TNS3: variants seen among roughly 807,000 people sequenced by gnomAD.
TNS3 encodes tensin-3.
A neutral mutation model predicts 140.9 loss-of-function variants in TNS3; 45 were observed. That is an observed-to-expected ratio of 0.32 (90% CI 0.25 to 0.41). The LOEUF (loss-of-function observed/expected upper bound fraction) is 0.41. Among genes scored for constraint, TNS3 ranks in the 10% least tolerant of loss-of-function variants. TNS3 has a pLI of 1.00. For synonymous variants in TNS3, 815 were observed against 788.4 expected, an observed-to-expected ratio of 1.03 and a Z score of -0.56; for missense variants, 1,716 against 1,906.7, an observed-to-expected ratio of 0.90 and a Z score of 1.86.
chr7:47,404,920 T>C (rs1393889161), intron 13 of TNS3, among the ~76,000 whole-genome samples: 1 of 152,102 alleles, frequency 6.6e-6, no homozygotes, highest in East Asian at 1.9e-4. Context: ...AAAATATGCC[T>C]GTGCCCTTGA....
intron 4 of TNS3, among the ~76,000 whole-genome samples, chr7:47,460,212 C>CAAAAA (rs10526565): frequency 1.2e-4 from 14 of 115,030 alleles, no homozygotes; most frequent in African/African-American, 1.5e-4. Context: ...GACTCTGTCC[C>CAAAAA]AAAAAAAAAA....
intron 16 of TNS3, among the ~76,000 whole-genome samples, chr7:47,380,549 C>G (rs2151219339): frequency 6.6e-6 from 1 of 152,346 alleles, no homozygotes. Context: ...GACATTCCTT[C>G]TTGCCCGGTT....
chr7:47,428,514 C>T, intron 8 of TNS3, 138 bp from the exon 9 acceptor site: 2 of 556,816 alleles, frequency 3.6e-6, no homozygotes, highest in Non-Finnish European at 5.6e-6. Flanking sequence ...CCACAGCCTT[C>T]CTGTCTGGGA....
Position 47,368,459 on chromosome 7 carries a change from G to C in TNS3, c.2187C>G (p.Gly729=), listed in dbSNP as rs368628961. The stretch of plus-strand genomic sequence containing the variant: ...CTCCCACGCTGTCTGGAGACACAGA[G>C]CCATTGGCCTGGCTACCGAGGGCGT... ...HMNALGSQAN[G]SVSPDSVGGG... is the part of the protein sequence containing the mutation. The change falls in exon 17 of 31, where the codon GGC becomes GGG. Residue 729 remains glycine, a synonymous_variant. Coordinates refer to ENST00000311160, the MANE Select transcript of TNS3 (RefSeq NM_022748.12). The C allele has an allele frequency of 1.0e-3, 1,621 of 1,583,798 alleles. 2 individuals carry two copies. Among genetic ancestry groups the C allele is most frequent in the Non-Finnish European group, 1.3e-3 (1,543 of 1,159,388 alleles).
intron 1 of TNS3, among the ~76,000 whole-genome samples, chr7:47,537,217 A>T (rs919558627): frequency 3.9e-5 from 6 of 152,016 alleles, no homozygotes; most frequent in Admixed American, 2.0e-4. Context: ...CCCTGCGGAC[A>T]CAAGTCCCAG....
intron 17 of TNS3, among the ~76,000 whole-genome samples, chr7:47,355,097 G>A (rs1041242845): frequency 2.6e-5 from 4 of 152,208 alleles, no homozygotes; most frequent in East Asian, 1.9e-4. Context: ...TGTTATTCAC[G>A]GGTGGAGCCG....
intron 2 of TNS3, among the ~76,000 whole-genome samples, chr7:47,514,455 C>T (rs1798713733): frequency 6.6e-6 from 1 of 152,212 alleles, no homozygotes; most frequent in Non-Finnish European, 1.5e-5. Context: ...TCTCTCCTAG[C>T]AGGTGCTTAA....
chr7:47,524,836 A>AAAAAAAAAT, intron 2 of TNS3, among the ~76,000 whole-genome samples: 1 of 147,678 alleles, frequency 6.8e-6, no homozygotes, highest in Non-Finnish European at 1.5e-5. Flanking sequence ...AAAAAAAAAA[A>AAAAAAAAAT]GGCAATGGGA....
At chr7:47,471,883 C>CCATT (rs1479754454) in intron 4 of TNS3, among the ~76,000 whole-genome samples, 23 of 152,218 alleles carry the variant, frequency 1.5e-4, no homozygotes, top group Non-Finnish European at 5.9e-5. Context: ...GGGATGCACC[C>CCATT]CATTGTATTA....
chr7:47,572,293 C>T (rs1340355452), intron 1 of TNS3, among the ~76,000 whole-genome samples: 2 of 152,186 alleles, frequency 1.3e-5, no homozygotes, highest in African/African-American at 4.8e-5. Context: ...GCAACGGCAA[C>T]GCCTAGGTCG....
intron 2 of TNS3, among the ~76,000 whole-genome samples, chr7:47,520,424 G>A (rs1798931737): frequency 6.6e-6 from 1 of 152,206 alleles, no homozygotes; most frequent in African/African-American, 2.4e-5. Flanking sequence ...TACTCAGTGA[G>A]TTTTAAAAAT....
intron 16 of TNS3, among the ~76,000 whole-genome samples, chr7:47,374,342 C>T (rs1791253456): frequency 6.6e-6 from 1 of 152,170 alleles, no homozygotes; most frequent in African/African-American, 2.4e-5. Context: ...CCTTTATCCT[C>T]CTGCCACCTG....
intron 27 of TNS3, among the ~76,000 whole-genome samples, chr7:47,288,441 T>A (rs923457161): frequency 1.3e-5 from 2 of 152,242 alleles, no homozygotes; most frequent in African/African-American, 2.4e-5. Flanking sequence ...GTTTTCAAAA[T>A]TTCAAATACA....
chr7:47,455,825 T>C (rs1048646139), intron 4 of TNS3, among the ~76,000 whole-genome samples: 3 of 152,154 alleles, frequency 2.0e-5, no homozygotes, highest in Admixed American at 1.3e-4. Context: ...CTAGAAAGCA[T>C]CTGATACAAA....
At chr7:47,562,883 A>T (rs1156350308) in intron 1 of TNS3, among the ~76,000 whole-genome samples, 1 of 152,242 alleles carries the variant, frequency 6.6e-6, no homozygotes, top group African/African-American at 2.4e-5. Flanking sequence ...GGGTAAGAAC[A>T]GCATGGATAA....
chr7:47,581,372 A>C (rs867488444), intron 1 of TNS3: 1 of 151,250 alleles, frequency 6.6e-6, no homozygotes, highest in East Asian at 2.0e-4. Context: ...AGGGAAAAAA[A>C]GGAAGCGCGT....
rs56823708 is a variant in TNS3 at position 47,361,206 on chromosome 7, C to CAAAAAAAAAAAAAAA, written c.2281+7144_2281+7158dup. On this transcript the variant is annotated intron_variant, in intron 17 of 30. Coordinates refer to ENST00000311160, the MANE Select transcript of TNS3 (RefSeq NM_022748.12). ...TCTTCTGGTAAGACAGTAACCATGCCAAAAAAAAAAAAAAAAAACAAGCAA... is the reference window on the plus strand; with the variant it reads ...TCTTCTGGTAAGACAGTAACCATGCCAAAAAAAAAAAAAAAAAAAAAAAAAAAAAAAAACAAGCAA... Among the ~76,000 whole-genome samples the CAAAAAAAAAAAAAAA allele has an allele frequency of 6.0e-3, 282 of 47,100 alleles. 33 individuals carry two copies. Among genetic ancestry groups the CAAAAAAAAAAAAAAA allele is most frequent in the Middle Eastern group, 0.026 (1 of 38 alleles). 30.9% of individuals were successfully genotyped at this position (47,100 alleles called of 152,430 possible). A position where few individuals can be genotyped will look rare whatever the true frequency, so the allele number is the denominator to read the frequency against.
intron 4 of TNS3, among the ~76,000 whole-genome samples, chr7:47,477,230 C>T (rs1391719570): frequency 6.6e-6 from 1 of 152,192 alleles, no homozygotes; most frequent in East Asian, 1.9e-4. Context: ...TCAAAACAAT[C>T]ATGCCCTCAG....
chr7:47,300,176 G>T (rs1294702442), intron 23 of TNS3, among the ~76,000 whole-genome samples: 2 of 152,168 alleles, frequency 1.3e-5, no homozygotes, highest in African/African-American at 4.8e-5. Flanking sequence ...ACATCTGACA[G>T]TTAAAATCCA....
Sources: gnomAD v4.1 joint callset for allele counts (sites outside exome capture counted in the v4.1 genomes callset) on GRCh38, gnomAD v4.1.1 for gene constraint, MANE v1.5 for transcripts, NCBI Gene and HGNC (gene_info 2026-07-23, HGNC 2026-07-21) for gene names.